CACHD1: variants seen among roughly 807,000 people sequenced by gnomAD.
CACHD1 encodes cache domain containing 1.
A neutral mutation model predicts 138.7 loss-of-function variants in CACHD1; 71 were observed. The ratio of observed to expected loss-of-function variants is 0.51; its 90% CI spans 0.42 to 0.62. The LOEUF (loss-of-function observed/expected upper bound fraction) is 0.62, where lower values mean the gene tolerates loss of function less well. CACHD1 is among the 20% of genes least tolerant of loss of function. The pLI is 0.00. For missense variants in CACHD1, 1,389 were observed against 1,625.3 expected (o/e 0.85, Z 2.50); for synonymous variants, 578 against 591.5 (o/e 0.98, Z 0.33).
chr1:64,526,056 G>T (rs899328710), intron 1 of CACHD1, among the ~76,000 whole-genome samples: 14 of 152,196 alleles, frequency 9.2e-5, no homozygotes, highest in African/African-American at 2.9e-4. Flanking sequence ...AACCGTGTCA[G>T]CTTCCTGGGA....
intron 1 of CACHD1, among the ~76,000 whole-genome samples, chr1:64,527,999 G>A (rs1049955385): frequency 6.6e-6 from 1 of 152,166 alleles, no homozygotes; most frequent in African/African-American, 2.4e-5. Flanking sequence ...AATGTATGTT[G>A]CACAATGCAG....
intron 4 of CACHD1, among the ~76,000 whole-genome samples, chr1:64,622,730 G>A (rs947699706): frequency 1.3e-5 from 2 of 152,126 alleles, no homozygotes; most frequent in Non-Finnish European, 2.9e-5. Flanking sequence ...TGTTAGTTCT[G>A]CATCTATAAA....
intron 26 of CACHD1, among the ~76,000 whole-genome samples, chr1:64,689,304 C>T (rs1193011909): frequency 6.6e-6 from 1 of 152,184 alleles, no homozygotes; most frequent in African/African-American, 2.4e-5. Context: ...GTCTTCTTTC[C>T]TGAGACTCAA....
At position 64,647,811 on chromosome 1, in the gene CACHD1, T is replaced by A; in HGVS notation, c.1167T>A (p.Thr389=). The A allele has an allele frequency of 6.2e-7, 1 of 1,614,154 alleles. No homozygotes were observed. The highest frequency in any genetic ancestry group is 8.5e-7 in the Non-Finnish European group (1 of 1,180,012). The stretch of plus-strand genomic sequence containing the variant: ...GGCTTTCCATTTTAGATGGGGTGAC[T>A]GGTTTGAAAGAGCTGGCTTTTCTGA... The part of the protein sequence containing the change: ...LTYALMNDGV[T]GLKELAFLRD... Residue 389 remains threonine (T), a synonymous_variant, in exon 9 of 27, where the codon ACT becomes ACA. Coordinates refer to ENST00000651257, the MANE Select transcript of CACHD1 (RefSeq NM_020925.4).
intron 1 of CACHD1, among the ~76,000 whole-genome samples, chr1:64,520,930 G>A (rs1244284824): frequency 6.6e-6 from 1 of 152,124 alleles, no homozygotes; most frequent in African/African-American, 2.4e-5. Flanking sequence ...ATCTCTACAG[G>A]TAGGTTTATC....
intron 8 of CACHD1, among the ~76,000 whole-genome samples, 198 bp downstream of exon 8, chr1:64,642,167 T>G (rs893074): frequency 4.6e-5 from 7 of 152,214 alleles, no homozygotes; most frequent in Non-Finnish European, 1.5e-5. Flanking sequence ...GTCTCTCCAG[T>G]GAACTGCTTG....
At chr1:64,562,978 A>G (rs141046707) in intron 2 of CACHD1, among the ~76,000 whole-genome samples, 4 of 152,220 alleles carry the variant, frequency 2.6e-5, no homozygotes, top group African/African-American at 9.6e-5. Flanking sequence ...GGATTCTGTT[A>G]TATTCTTGTG....
chr1:64,601,897 G>A (rs1647218584), intron 3 of CACHD1, among the ~76,000 whole-genome samples: 1 of 152,168 alleles, frequency 6.6e-6, no homozygotes. Flanking sequence ...CTCAGGGTCT[G>A]AAATCCTAAA....
At chr1:64,517,561 G>A (rs1452733081) in intron 1 of CACHD1, among the ~76,000 whole-genome samples, 1 of 152,122 alleles carries the variant, frequency 6.6e-6, no homozygotes, top group Non-Finnish European at 1.5e-5. Context: ...TATGCCATGT[G>A]GATTCTCTGG....
intron 16 of CACHD1, among the ~76,000 whole-genome samples, chr1:64,667,056 A>T (rs1649659880): frequency 6.6e-6 from 1 of 152,134 alleles, no homozygotes; most frequent in Non-Finnish European, 1.5e-5. Flanking sequence ...TATCAATATC[A>T]CTGGAAATAT....
At chr1:64,609,233 A>G (rs527899392) in intron 4 of CACHD1, among the ~76,000 whole-genome samples, 1 of 152,332 alleles carries the variant, frequency 6.6e-6, no homozygotes, top group South Asian at 2.1e-4. Context: ...TAGAAAAGTT[A>G]TCCTGGTAAC....
At chr1:64,522,097 T>C (rs1646502348) in intron 1 of CACHD1, among the ~76,000 whole-genome samples, 2 of 152,218 alleles carry the variant, frequency 1.3e-5, no homozygotes, top group Non-Finnish European at 2.9e-5. Context: ...AGTTCTTACA[T>C]TGAGATATTT....
intron 5 of CACHD1, among the ~76,000 whole-genome samples, chr1:64,631,058 G>A (rs1000074178): frequency 6.6e-6 from 1 of 152,196 alleles, no homozygotes; most frequent in African/African-American, 2.4e-5. Flanking sequence ...CACAAGAAAG[G>A]AAGTGGTAGA....
intron 1 of CACHD1, among the ~76,000 whole-genome samples, chr1:64,545,357 A>T (rs1646710513): frequency 6.6e-6 from 1 of 152,194 alleles, no homozygotes; most frequent in South Asian, 2.1e-4. Flanking sequence ...AGCTCCTTTT[A>T]TGCCCTATTC....
chr1:64,560,827 T>C (rs1483822409), intron 2 of CACHD1, among the ~76,000 whole-genome samples: 1 of 152,164 alleles, frequency 6.6e-6, no homozygotes, highest in Non-Finnish European at 1.5e-5. Context: ...AATAGTATTG[T>C]TTCCATTTAA....
At chr1:64,644,041 C>T (rs921382155) in intron 8 of CACHD1, among the ~76,000 whole-genome samples, 2 of 152,238 alleles carry the variant, frequency 1.3e-5, no homozygotes, top group African/African-American at 4.8e-5. Context: ...TCCTCTCTCT[C>T]TTCTCCCTCC....
chr1:64,636,697 A>C (rs1462092541), intron 7 of CACHD1, among the ~76,000 whole-genome samples: 2 of 152,144 alleles, frequency 1.3e-5, no homozygotes, highest in East Asian at 3.9e-4. Context: ...TCTTTTAACA[A>C]GCTCATCTGA....
chr1:64,691,107 G>A (rs540003723), intron 26 of CACHD1, among the ~76,000 whole-genome samples: 1 of 151,574 alleles, frequency 6.6e-6, no homozygotes, highest in Non-Finnish European at 1.5e-5. Context: ...AAGTGGTTAT[G>A]TATTTATTGT....
intron 1 of CACHD1, among the ~76,000 whole-genome samples, chr1:64,535,924 G>A (rs371263599): frequency 4.1e-4 from 62 of 152,126 alleles, no homozygotes; most frequent in Middle Eastern, 3.4e-3. Context: ...CCACCTTTGC[G>A]TCAGAAATCC....
Sources: allele counts gnomAD v4.1 joint callset (sites outside exome capture counted in the v4.1 genomes callset), GRCh38; gene constraint gnomAD v4.1.1; transcripts MANE v1.5; gene names NCBI Gene and HGNC (gene_info 2026-07-23, HGNC 2026-07-21).